RGS3: variants seen among roughly 807,000 people sequenced by gnomAD.
RGS3 encodes regulator of G protein signaling 3, also known as regulator of G-protein signalling 3.
Under a neutral mutation model 132.6 loss-of-function variants are expected in RGS3, and 80 were observed. That is an observed-to-expected ratio of 0.60 (90% CI 0.50 to 0.73). The LOEUF (loss-of-function observed/expected upper bound fraction) is 0.73, where lower values mean the gene tolerates loss of function less well. RGS3 is among the 30% of genes least tolerant of loss of function. The probability of loss-of-function intolerance (pLI) is 0.00; values close to 1 mark genes in which losing one functional copy is unlikely to be tolerated. For synonymous variants in RGS3, 598 were observed against 620.6 expected (o/e 0.96, Z 0.54); for missense variants, 1,382 against 1,530.8 (o/e 0.90, Z 1.62).
intron 3 of RGS3, among the ~76,000 whole-genome samples, chr9:113,469,967 G>A (rs1383322828): frequency 3.3e-5 from 5 of 150,690 alleles, no homozygotes; most frequent in Non-Finnish European, 7.4e-5. Flanking sequence ...CTGGAGTGCA[G>A]TGGCGCAATG....
intron 18 of RGS3, among the ~76,000 whole-genome samples, chr9:113,532,871 C>A (rs1475270286): frequency 1.3e-5 from 2 of 152,190 alleles, no homozygotes; most frequent in African/African-American, 4.8e-5. Context: ...ATACAAAAAG[C>A]TGCCAGCGAA....
At chr9:113,589,349 C>T (rs1236816119) in intron 20 of RGS3, 3 of 152,264 alleles carry the variant, frequency 2.0e-5, no homozygotes, top group Non-Finnish European at 4.4e-5. Flanking sequence ...TCAATTTCTC[C>T]TTGGCTCACA....
intron 3 of RGS3, among the ~76,000 whole-genome samples, chr9:113,472,829 A>G (rs1829874492): frequency 6.6e-6 from 1 of 152,142 alleles, no homozygotes; most frequent in Non-Finnish European, 1.5e-5. Context: ...ATCTAAGGTC[A>G]GGAGTTCGAG....
At chr9:113,483,407 C>T (rs909507890) in intron 5 of RGS3, among the ~76,000 whole-genome samples, 1 of 152,182 alleles carries the variant, frequency 6.6e-6, no homozygotes, top group African/African-American at 2.4e-5. Context: ...CAGGTAATCC[C>T]AAGACCTCTT....
chr9:113,484,327 C>T, intron 6 of RGS3, 95 bp downstream of exon 4: 1 of 79,690 alleles, frequency 1.3e-5, no homozygotes, highest in Non-Finnish European at 2.2e-5. Flanking sequence ...TAGATCTATG[C>T]AAAAAAAAAA....
chr9:113,457,224 C>A (rs1366656421), upstream of RGS3, among the ~76,000 whole-genome samples: 1 of 152,180 alleles, frequency 6.6e-6, no homozygotes, highest in Non-Finnish European at 1.5e-5. Context: ...CACTTTCTGG[C>A]CTTTACATGT....
rs1402251820 is a variant in RGS3, at chr9:113,506,837, C to T, written c.1085+344C>T. Reference sequence around the variant, plus strand: ...GGGCATGAAGATGTTGCAAATGTTTCAATTGCACAATTAAAAAAATATTCT... The same window carrying T: ...GGGCATGAAGATGTTGCAAATGTTTTAATTGCACAATTAAAAAAATATTCT... On this transcript the variant is annotated intron_variant, in intron 12 of 24. Transcript: ENST00000350696. The surrounding 1 kb of genome is among the most constrained non-coding windows in gnomAD (Gnocchi z 4.7). Among the ~76,000 whole-genome samples the T allele has an allele frequency of 4.6e-5, 7 of 152,130 alleles. No homozygotes were observed. Among genetic ancestry groups the T allele is most frequent in the Non-Finnish European group, 4.4e-5 (3 of 68,034 alleles).
chr9:113,556,612 C>T (rs1459900172), intron 19 of RGS3, among the ~76,000 whole-genome samples: 2 of 152,142 alleles, frequency 1.3e-5, no homozygotes, highest in Non-Finnish European at 2.9e-5. Flanking sequence ...GTGTCCTTAG[C>T]TGCTAAACTA....
rs1016392576 is a variant in RGS3 at position 113,591,044 on chromosome 9, A to G, written c.3016-289A>G. 1.3e-4 allele frequency among the ~76,000 whole-genome samples: 20 copies of G among 152,236 alleles called. No homozygotes were observed. Among genetic ancestry groups the G allele is most frequent in the South Asian group, 2.1e-4 (1 of 4,830 alleles). ...CCCTCTCACCTGCTCACTGCCTGCA[A>G]TGAAGCCTCTGTCCTGAGTGCCAGC... On this transcript the variant is annotated intron_variant, in intron 20 of 24. Transcript: ENST00000350696. The surrounding 1 kb of genome is among the most constrained non-coding windows in gnomAD (Gnocchi z 4.4).
intron 19 of RGS3, chr9:113,564,843 G>C (rs1292994221): frequency 4.9e-6 from 4 of 823,640 alleles, no homozygotes; most frequent in Non-Finnish European, 5.9e-6. Flanking sequence ...GGAAGTCAGC[G>C]TGTGCTGGCT....
chr9:113,465,099 CA>C (rs1185456927), intron 3 of RGS3, among the ~76,000 whole-genome samples: 2 of 152,142 alleles, frequency 1.3e-5, no homozygotes, highest in East Asian at 3.9e-4. Context: ...TGCATTATCT[CA>C]CTTAATGCCC....
intron 17 of RGS3, among the ~76,000 whole-genome samples, chr9:113,524,016 A>C (rs1564525376): frequency 6.6e-6 from 1 of 152,168 alleles, no homozygotes; most frequent in Non-Finnish European, 1.5e-5. Flanking sequence ...GGAAGGGAAA[A>C]GCAAGTCACC....
intron 1 of RGS3, among the ~76,000 whole-genome samples, chr9:113,446,392 A>G (rs1196145177): frequency 6.6e-6 from 1 of 152,182 alleles, no homozygotes. Flanking sequence ...TTTGTAAGAA[A>G]ATTTTCCTGG....
intron 19 of RGS3, among the ~76,000 whole-genome samples, chr9:113,563,328 A>G (rs1833867657): frequency 6.6e-6 from 1 of 152,174 alleles, no homozygotes; most frequent in South Asian, 2.1e-4. Flanking sequence ...GCCAATCCCC[A>G]GGGCCTAACA....
intron 11 of RGS3, among the ~76,000 whole-genome samples, chr9:113,505,786 T>C (rs1831103852): frequency 6.6e-6 from 1 of 152,236 alleles, no homozygotes; most frequent in Admixed American, 6.5e-5. Flanking sequence ...GAACTAAACC[T>C]ATATTTTCAG....
intron 18 of RGS3, among the ~76,000 whole-genome samples, chr9:113,529,675 C>T (rs1832383338): frequency 1.3e-5 from 2 of 152,328 alleles, no homozygotes; most frequent in African/African-American, 4.8e-5. Context: ...CACCAACGAC[C>T]CCTTGTACAG....
At chr9:113,552,407 C>T (rs547155087) in intron 19 of RGS3, among the ~76,000 whole-genome samples, 4 of 152,090 alleles carry the variant, frequency 2.6e-5, no homozygotes, top group Non-Finnish European at 5.9e-5. Flanking sequence ...AGACCCGCCT[C>T]CCGGGTTCAC....
chr9:113,520,624 T>G (rs1326972119), intron 16 of RGS3, among the ~76,000 whole-genome samples: 1 of 150,820 alleles, frequency 6.6e-6, no homozygotes, highest in Admixed American at 6.6e-5. Flanking sequence ...AGCCTCCCTC[T>G]GGGTCTGGAG....
At chr9:113,595,140 C>T (rs1835696493) in intron 23 of RGS3, 160 bp downstream of exon 21, 2 of 678,870 alleles carry the variant, frequency 2.9e-6, no homozygotes, top group Non-Finnish European at 2.5e-6. Context: ...AGCTGAGGCC[C>T]TTGGTCTGGC....
Sources: gnomAD v4.1 joint callset for allele counts (sites outside exome capture counted in the v4.1 genomes callset) on GRCh38, gnomAD v4.1.1 for gene constraint, Gnocchi (gnomAD v3.1) non-coding constraint, MANE v1.5 for transcripts, NCBI Gene and HGNC (gene_info 2026-07-23, HGNC 2026-07-21) for gene names.